THSD4: variants seen among roughly 807,000 people sequenced by gnomAD.
THSD4 encodes the protein thrombospondin type 1 domain containing 4.
Under a neutral mutation model 119.0 loss-of-function variants are expected in THSD4, and 69 were observed. The ratio of observed to expected loss-of-function variants is 0.58; its 90% CI spans 0.48 to 0.71. The LOEUF (loss-of-function observed/expected upper bound fraction) is 0.71, where lower values mean the gene tolerates loss of function less well. Among genes scored for constraint, THSD4 ranks in the 30% least tolerant of loss-of-function variants. The pLI is 0.00. For missense variants in THSD4, 1,393 were observed against 1,391.1 expected (o/e 1.00, Z -0.02); for synonymous variants, 524 against 540.4 (o/e 0.97, Z 0.42).
chr15:71,331,008 T>C (rs528199973), intron 6 of THSD4, among the ~76,000 whole-genome samples: 1 of 152,344 alleles, frequency 6.6e-6, no homozygotes, highest in Non-Finnish European at 1.5e-5. Flanking sequence ...CCCACCTGTG[T>C]GGCTCCCGGG....
rs199960180 is a variant in THSD4, at chr15:71,451,829, C to T, written c.1152+40006C>T. ...AGGAAGCATACACAGCGTTTTGGTC[C>T]TGAGGAAAGAGGGTGTGCTCCCCAT... On this transcript the variant is annotated intron_variant, in intron 7 of 17. Coordinates refer to ENST00000261862, the MANE Select transcript of THSD4 (RefSeq NM_024817.3). 1.2e-4 allele frequency among the ~76,000 whole-genome samples: 18 copies of T among 152,274 alleles called. No individual in the cohort carries two copies. The East Asian group carries it at 3.3e-3, about 28-fold the overall frequency.
intron 7 of THSD4, among the ~76,000 whole-genome samples, chr15:71,438,902 A>G (rs1030260586): frequency 2.6e-5 from 4 of 152,222 alleles, no homozygotes; most frequent in Admixed American, 1.3e-4. Flanking sequence ...TCCTGTTTAC[A>G]ATATATTTTT....
Position 71,238,221 on chromosome 15 carries a change from A to T in THSD4, c.465-4428A>T, listed in dbSNP as rs531091272. 7.9e-5 allele frequency among the ~76,000 whole-genome samples: 12 copies of T among 152,340 alleles called. No homozygotes were observed. The East Asian group carries it at 2.1e-3, about 27-fold the overall frequency. On this transcript the variant is annotated intron_variant, in intron 4 of 17. Transcript: ENST00000261862. The stretch of plus-strand genomic sequence containing the variant: ...AAACAAATCATTAAAAATTGCTTTC[A>T]GATTTAAAAAATGCATTTCTATCAG...
At chr15:71,618,222 A>G (rs1567065160) in intron 7 of THSD4, among the ~76,000 whole-genome samples, 1 of 152,246 alleles carries the variant, frequency 6.6e-6, no homozygotes, top group South Asian at 2.1e-4. Flanking sequence ...CAGAAACTGC[A>G]TGAATTGACA....
intron 8 of THSD4, among the ~76,000 whole-genome samples, chr15:71,718,720 C>T (rs2052658891): frequency 6.6e-6 from 1 of 152,128 alleles, no homozygotes; most frequent in African/African-American, 2.4e-5. Flanking sequence ...GGTCGTGCCC[C>T]CTCCTGCCTC....
rs397719477 is a variant in THSD4, at chr15:71,430,759, G to GAAAA, written c.1152+18957_1152+18960dup. 9.6e-4 allele frequency among the ~76,000 whole-genome samples: 79 copies of GAAAA among 82,672 alleles called. 1 individual carries two copies. The highest frequency in any genetic ancestry group is 1.3e-3 in the Admixed American group (8 of 5,996). 54.2% of individuals were successfully genotyped at this position (82,672 alleles called of 152,430 possible). ...ATGGCAGAGCAAGACTCTGTCTCAAGAAAAAAAAAAAAAAAAAAAAAAAAG... is the reference window on the plus strand; with the variant it reads ...ATGGCAGAGCAAGACTCTGTCTCAAGAAAAAAAAAAAAAAAAAAAAAAAAAAAAG... On this transcript the variant is annotated intron_variant, in intron 7 of 17. Coordinates refer to ENST00000261862, the MANE Select transcript of THSD4 (RefSeq NM_024817.3).
intron 4 of THSD4, among the ~76,000 whole-genome samples, chr15:71,231,459 T>G (rs981245448): frequency 2.7e-4 from 41 of 152,184 alleles, no homozygotes; most frequent in African/African-American, 9.9e-4. Flanking sequence ...AAACCACCTT[T>G]CTGCTTCCTC....
At chr15:71,753,659 T>A (rs1220921261) in intron 14 of THSD4, among the ~76,000 whole-genome samples, 1 of 152,254 alleles carries the variant, frequency 6.6e-6, no homozygotes, top group Non-Finnish European at 1.5e-5. Flanking sequence ...AGGAACATCC[T>A]TTAAGGACAG....
chr15:71,109,115 G>C (rs16955147), intron 1 of THSD4, among the ~76,000 whole-genome samples: 1,740 of 152,334 alleles, frequency 0.011, 34 homozygotes, highest in African/African-American at 0.039. Context: ...AGCTGGTCCT[G>C]AACACTGATC....
intron 6 of THSD4, among the ~76,000 whole-genome samples, chr15:71,400,915 T>G (rs1242594729): frequency 6.6e-6 from 1 of 152,128 alleles, no homozygotes; most frequent in African/African-American, 2.4e-5. Flanking sequence ...TTTGAATGGA[T>G]CTGCAACTAA....
chr15:71,730,994 A>T (rs1039722811), intron 9 of THSD4, 127 bp from the exon 10 acceptor site: 4 of 752,732 alleles, frequency 5.3e-6, no homozygotes, highest in African/African-American at 5.2e-5. Flanking sequence ...AGGTTCACTG[A>T]TATTACTGGA....
chr15:71,107,445 G>C (rs1047715584), intron 1 of THSD4, among the ~76,000 whole-genome samples: 3 of 152,032 alleles, frequency 2.0e-5, no homozygotes, highest in Non-Finnish European at 2.9e-5. Context: ...AAAAAGAAGA[G>C]AAGAAAAGGA....
At chr15:71,492,893 T>TC (rs1266719205) in intron 7 of THSD4, among the ~76,000 whole-genome samples, 1 of 143,122 alleles carries the variant, frequency 7.0e-6, no homozygotes, top group Non-Finnish European at 1.5e-5. Context: ...CCATGAAATG[T>TC]CTTTTTTTTT....
chr15:71,157,677 CTCTTTT>C (rs2040792601), intron 3 of THSD4, among the ~76,000 whole-genome samples: 2 of 86,178 alleles, frequency 2.3e-5, no homozygotes, highest in Non-Finnish European at 4.2e-5. Flanking sequence ...TCTATATCAA[CTCTTTT>C]TTTTTTTTTT....
At chr15:71,551,528 A>G (rs2048927904) in intron 7 of THSD4, among the ~76,000 whole-genome samples, 1 of 152,222 alleles carries the variant, frequency 6.6e-6, no homozygotes, top group Non-Finnish European at 1.5e-5. Flanking sequence ...TGATTCAGTG[A>G]CTTAGCATAC....
chr15:71,269,087 T>C (rs1361143335), intron 6 of THSD4, among the ~76,000 whole-genome samples: 1 of 151,576 alleles, frequency 6.6e-6, no homozygotes, highest in Non-Finnish European at 1.5e-5. Flanking sequence ...TACTCCTCCC[T>C]AACTCATTTT....
chr15:71,392,218 T>C (rs1266922991), intron 6 of THSD4, among the ~76,000 whole-genome samples: 3 of 152,200 alleles, frequency 2.0e-5, no homozygotes, highest in Non-Finnish European at 4.4e-5. Flanking sequence ...TAAATGTCGA[T>C]ATTTCCATGT....
At chr15:71,285,355 G>C (rs2044702195) in intron 6 of THSD4, among the ~76,000 whole-genome samples, 1 of 152,084 alleles carries the variant, frequency 6.6e-6, no homozygotes, top group Non-Finnish European at 1.5e-5. Context: ...TTGTTTGGTG[G>C]TATTATTGAT....
chr15:71,141,699 A>C (rs2040606530), intron 2 of THSD4, 143 bp downstream of exon 2: 2 of 1,020,206 alleles, frequency 2.0e-6, no homozygotes, highest in Admixed American at 2.7e-5. Context: ...CTTGTGTAAA[A>C]GTTTGCTATT....
Sources: allele counts gnomAD v4.1 joint callset (sites outside exome capture counted in the v4.1 genomes callset), GRCh38; gene constraint gnomAD v4.1.1; transcripts MANE v1.5; gene names NCBI Gene and HGNC (gene_info 2026-07-23, HGNC 2026-07-21).